Variants in UGT1A8 observed in about 807,000 individuals in gnomAD.
UGT1A8 encodes UDP glucuronosyltransferase family 1 member A8.
UGT1A8 carries 39 observed loss-of-function variants against 45.3 expected under a neutral mutation model. That is an observed-to-expected ratio of 0.86 (90% CI 0.67 to 1.12). The LOEUF is 1.12. Ranked by LOEUF, UGT1A8 falls within the 50% of genes most tolerant of loss-of-function variation. The probability of loss-of-function intolerance (pLI) is 0.00; values close to 1 mark genes in which losing one functional copy is unlikely to be tolerated. For synonymous variants in UGT1A8, 275 were observed against 249.2 expected, an observed-to-expected ratio of 1.10 and a Z score of -0.97; for missense variants, 719 against 664.9, an observed-to-expected ratio of 1.08 and a Z score of -0.90.
intron 1 of UGT1A8, among the ~76,000 whole-genome samples, chr2:233,757,541 T>TATACATATACATAC (rs1229454769): frequency 8.5e-6 from 1 of 117,592 alleles, no homozygotes; most frequent in Admixed American, 8.1e-5. Context: ...AAGGAATATA[T>TATACATATACATAC]ATATATATAT....
At chr2:233,651,166 C>G (rs2073730068) in intron 1 of UGT1A8, among the ~76,000 whole-genome samples, 1 of 152,192 alleles carries the variant, frequency 6.6e-6, no homozygotes, top group African/African-American at 2.4e-5. Flanking sequence ...AAGTGCTTCT[C>G]TCCCCTTTAC....
chr2:233,623,910 T>C (rs1029327425), intron 1 of UGT1A8, among the ~76,000 whole-genome samples: 3 of 152,292 alleles, frequency 2.0e-5, no homozygotes, highest in Non-Finnish European at 1.5e-5. Flanking sequence ...ATGCCTCTGA[T>C]GAATCCTTCA....
At chr2:233,682,106 G>A (rs769900053) in intron 1 of UGT1A8, 5 of 1,614,200 alleles carry the variant, frequency 3.1e-6, no homozygotes, top group Middle Eastern at 1.7e-4. Context: ...TGAGGTGGTC[G>A]TAGTCATGCC....
chr2:233,729,506 C>G lies in UGT1A8; in HGVS notation c.856-37528C>G, dbSNP rs192895083. ...AATATGTCTTTGGTCTATCATAGGT[C>G]TTGTGTGGAGCTACTACATAATGAG... On this transcript the variant is annotated intron_variant, in intron 1 of 4. Transcript: ENST00000373450. The G allele has an allele frequency of 6.7e-5, 108 of 1,614,162 alleles. No homozygotes were observed. Among genetic ancestry groups the G allele is most frequent in the Non-Finnish European group, 8.6e-5 (102 of 1,180,030 alleles).
intron 1 of UGT1A8, chr2:233,693,473 G>A (rs887656290): frequency 6.2e-7 from 1 of 1,614,174 alleles, no homozygotes; most frequent in Non-Finnish European, 8.5e-7. Context: ...ACCCTGTGGG[G>A]TGATCCTGGC....
rs146693320 is a variant in UGT1A8, at chr2:233,769,441, G to T, written c.1295+1002G>T. The T allele has an allele frequency of 6.5e-7, 1 of 1,546,730 alleles. No homozygotes were observed. Among genetic ancestry groups the T allele is most frequent in the East Asian group, 2.3e-5 (1 of 44,376 alleles). ...TGCATGTGGCTGTGCTCATGTGTGGGTGCACACGTGTGCATTCATATGCGT... is the reference window on the plus strand; with the variant it reads ...TGCATGTGGCTGTGCTCATGTGTGGTTGCACACGTGTGCATTCATATGCGT... On this transcript the variant is annotated intron_variant, in intron 4 of 4. Transcript: ENST00000373450. The surrounding 1 kb of genome is among the most constrained non-coding windows in gnomAD (Gnocchi z 4.4).
intron 1 of UGT1A8, chr2:233,740,576 G>A (rs1691425375): frequency 6.6e-6 from 1 of 151,744 alleles, no homozygotes; most frequent in Non-Finnish European, 1.5e-5. Flanking sequence ...TGTTTTTTGG[G>A]ACCCTAATGA....
At chr2:233,719,560 A>C (rs1443276179) in intron 1 of UGT1A8, 1 of 1,613,812 alleles carries the variant, frequency 6.2e-7, no homozygotes, top group Admixed American at 1.7e-5. Context: ...TCAGTGGTGG[A>C]TCTTGTCAGC....
intron 1 of UGT1A8, among the ~76,000 whole-genome samples, chr2:233,716,394 G>A (rs2076503036): frequency 1.3e-5 from 2 of 152,226 alleles, no homozygotes; most frequent in Admixed American, 6.5e-5. Context: ...CAGACACTAA[G>A]CTTAAAGTGA....
chr2:233,757,994 T>C (rs1233482965), intron 1 of UGT1A8, among the ~76,000 whole-genome samples: 1 of 152,092 alleles, frequency 6.6e-6, no homozygotes, highest in Non-Finnish European at 1.5e-5. Context: ...TCCCCTGTAA[T>C]TGCCTGGTCA....
intron 1 of UGT1A8, among the ~76,000 whole-genome samples, chr2:233,692,590 G>A (rs1014156032): frequency 6.6e-6 from 1 of 152,164 alleles, no homozygotes; most frequent in African/African-American, 2.4e-5. Flanking sequence ...GAATAGGTCC[G>A]TGTGCAAGAA....
chr2:233,621,526 G>T (rs2073006930), intron 1 of UGT1A8, among the ~76,000 whole-genome samples: 1 of 152,092 alleles, frequency 6.6e-6, no homozygotes. Context: ...AGCTTTTGGT[G>T]GACAAGACTA....
At chr2:233,626,229 G>C (rs544599755) in intron 1 of UGT1A8, among the ~76,000 whole-genome samples, 1 of 152,122 alleles carries the variant, frequency 6.6e-6, no homozygotes, top group East Asian at 1.9e-4. Flanking sequence ...TGCCCATAAG[G>C]GTTCATGTTG....
intron 1 of UGT1A8, among the ~76,000 whole-genome samples, chr2:233,687,898 A>G (rs1431365318): frequency 6.6e-6 from 1 of 152,168 alleles, no homozygotes; most frequent in Non-Finnish European, 1.5e-5. Context: ...ATAGACTAAG[A>G]CCTTGTCTCA....
chr2:233,662,922 G>C (rs1012107893), intron 1 of UGT1A8, among the ~76,000 whole-genome samples: 3 of 151,688 alleles, frequency 2.0e-5, no homozygotes, highest in Non-Finnish European at 4.4e-5. Flanking sequence ...TATTTATATG[G>C]TATGTTACTT....
intron 1 of UGT1A8, among the ~76,000 whole-genome samples, chr2:233,720,981 G>T (rs746699495): frequency 6.6e-6 from 1 of 151,748 alleles, no homozygotes; most frequent in Non-Finnish European, 1.5e-5. Context: ...AAAGTGCTGG[G>T]ATTACAGGCA....
rs1326055031 is a variant in UGT1A8, at chr2:233,632,213, T to C, written c.855+13651T>C. On this transcript the variant is annotated intron_variant, in intron 1 of 4. Transcript: ENST00000373450. ...GTCTATATATCTGTTTGGGTACAAG[T>C]ACCATGCTGTTTTTGTTACTGTAGC... is the stretch of plus-strand genomic sequence containing the variant. Among the ~76,000 whole-genome samples, 4 of 152,250 alleles carry C rather than the reference T, an allele frequency of 2.6e-5. No homozygotes were observed. The South Asian group carries it at 6.2e-4, about 24-fold the overall frequency.
intron 1 of UGT1A8, among the ~76,000 whole-genome samples, chr2:233,647,211 C>T (rs1008104215): frequency 3.9e-5 from 6 of 152,142 alleles, no homozygotes; most frequent in African/African-American, 7.2e-5. Flanking sequence ...TTCCATGACA[C>T]GTGGAAATTG....
chr2:233,628,272 A>G (rs1301149794), intron 1 of UGT1A8, among the ~76,000 whole-genome samples: 2 of 152,136 alleles, frequency 1.3e-5, no homozygotes, highest in Non-Finnish European at 2.9e-5. Context: ...CAGTCATGGC[A>G]TAGCTTTAAA....
Sources: allele counts gnomAD v4.1 joint callset (sites outside exome capture counted in the v4.1 genomes callset), GRCh38; gene constraint gnomAD v4.1.1; non-coding constraint Gnocchi (gnomAD v3.1); transcripts MANE v1.5; gene names NCBI Gene and HGNC (gene_info 2026-07-23, HGNC 2026-07-21).